Variants in CSMD1 observed in about 807,000 individuals in gnomAD.
CSMD1 encodes the protein CUB and sushi domain-containing protein 1.
Under a neutral mutation model 417.5 loss-of-function variants are expected in CSMD1, and 213 were observed. The ratio of observed to expected loss-of-function variants is 0.51; its 90% CI spans 0.46 to 0.57. The LOEUF (loss-of-function observed/expected upper bound fraction) is 0.57, where lower values mean the gene tolerates loss of function less well. CSMD1 is among the 20% of genes least tolerant of loss of function. CSMD1 has a pLI of 0.00. For synonymous variants in CSMD1, 2,862 were observed against 1,736.8 expected, an observed-to-expected ratio of 1.65 and a Z score of -16.11; for missense variants, 6,923 against 4,529.7, an observed-to-expected ratio of 1.53 and a Z score of -15.17.
chr8:3,502,415 T>A (rs1487966017), intron 10 of CSMD1, among the ~76,000 whole-genome samples: 1 of 149,574 alleles, frequency 6.7e-6, no homozygotes, highest in African/African-American at 2.5e-5. Flanking sequence ...ACTGCACATG[T>A]ACGTTTATAG....
intron 3 of CSMD1, among the ~76,000 whole-genome samples, chr8:4,190,071 A>C (rs1295975852): frequency 1.3e-5 from 2 of 151,904 alleles, no homozygotes; most frequent in Non-Finnish European, 2.9e-5. Context: ...ATCCTGGCTA[A>C]CATGGTGAAA....
chr8:4,662,317 T>C (rs1192871975), intron 1 of CSMD1, among the ~76,000 whole-genome samples: 1 of 152,198 alleles, frequency 6.6e-6, no homozygotes, highest in Non-Finnish European at 1.5e-5. Context: ...AATGAATTAC[T>C]CAGAGGAAAT....
At chr8:3,461,106 C>T (rs550819866) in intron 12 of CSMD1, among the ~76,000 whole-genome samples, 1 of 152,332 alleles carries the variant, frequency 6.6e-6, no homozygotes, top group South Asian at 2.1e-4. Context: ...ACTCAGGTCC[C>T]ACCATCAGAT....
intron 25 of CSMD1, among the ~76,000 whole-genome samples, chr8:3,301,384 C>G (rs1428001858): frequency 1.3e-5 from 2 of 151,926 alleles, no homozygotes; most frequent in Non-Finnish European, 2.9e-5. Context: ...AGTGTGGGAG[C>G]TAGTGAAACT....
intron 5 of CSMD1, among the ~76,000 whole-genome samples, chr8:3,909,005 T>C (rs1225064171): frequency 6.6e-6 from 1 of 152,218 alleles, no homozygotes; most frequent in African/African-American, 2.4e-5. Context: ...CCTTCACTAC[T>C]GTAGGAGGCT....
chr8:3,241,926 C>A (rs62504975), intron 26 of CSMD1, among the ~76,000 whole-genome samples: 1 of 147,480 alleles, frequency 6.8e-6, no homozygotes, highest in Non-Finnish European at 1.5e-5. Flanking sequence ...TTATTTAATG[C>A]CGGGAGCAGA....
At chr8:4,138,375 C>T (rs1391486898) in intron 3 of CSMD1, among the ~76,000 whole-genome samples, 2 of 152,130 alleles carry the variant, frequency 1.3e-5, no homozygotes, top group Middle Eastern at 6.8e-3. Context: ...GTTCTGATAC[C>T]TGCTCTGGCA....
At chr8:4,717,575 C>CATCCATCT (rs1808762082) in intron 1 of CSMD1, among the ~76,000 whole-genome samples, 1 of 149,786 alleles carries the variant, frequency 6.7e-6, no homozygotes, top group African/African-American at 2.5e-5. Context: ...TCCATCCATC[C>CATCCATCT]ATCCATCCAT....
chr8:4,067,675 T>G (rs760237241), intron 3 of CSMD1, among the ~76,000 whole-genome samples: 5 of 152,192 alleles, frequency 3.3e-5, no homozygotes, highest in Admixed American at 6.5e-5. Context: ...TCTCACCACC[T>G]AACTTGTCCT....
At chr8:4,138,970 A>G (rs1803607904) in intron 3 of CSMD1, among the ~76,000 whole-genome samples, 1 of 152,186 alleles carries the variant, frequency 6.6e-6, no homozygotes, top group African/African-American at 2.4e-5. Context: ...CTCGCCATGC[A>G]TCTTTCCTGA....
intron 10 of CSMD1, among the ~76,000 whole-genome samples, chr8:3,556,516 G>GCACACACA (rs71708244): frequency 1.5e-4 from 20 of 137,726 alleles, no homozygotes; most frequent in Admixed American, 1.0e-3. Flanking sequence ...TTTTTCACAC[G>GCACACACA]CACACACACA....
chr8:3,909,427 A>C (rs1433549918), intron 5 of CSMD1, among the ~76,000 whole-genome samples: 2 of 152,140 alleles, frequency 1.3e-5, no homozygotes, highest in Non-Finnish European at 1.5e-5. Context: ...CGAGGGCAGG[A>C]TACGCAGAAA....
At chr8:3,860,379 A>C (rs1162106238) in intron 5 of CSMD1, among the ~76,000 whole-genome samples, 1 of 152,158 alleles carries the variant, frequency 6.6e-6, no homozygotes, top group African/African-American at 2.4e-5. Context: ...ATGATATATT[A>C]AAAAAATCAT....
chr8:4,710,781 G>A (rs549683383), intron 1 of CSMD1, among the ~76,000 whole-genome samples: 2 of 151,838 alleles, frequency 1.3e-5, no homozygotes, highest in Admixed American at 6.5e-5. Context: ...GGAGGTGGAG[G>A]ATGACATGAG....
chr8:3,998,258 T>C (rs1292542853), intron 4 of CSMD1, 148 bp from the exon 5 acceptor site: 2 of 649,896 alleles, frequency 3.1e-6, no homozygotes, highest in Non-Finnish European at 5.3e-6. Flanking sequence ...TCTTTTGGTA[T>C]GTTAATGAGT....
At chr8:3,760,012 C>T (rs546491189) in intron 5 of CSMD1, among the ~76,000 whole-genome samples, 2 of 152,058 alleles carry the variant, frequency 1.3e-5, no homozygotes, top group East Asian at 3.9e-4. Context: ...CTCCTGATGT[C>T]CAGAAACACA....
At chr8:3,892,993 C>T (rs528566500) in intron 5 of CSMD1, among the ~76,000 whole-genome samples, 1 of 151,816 alleles carries the variant, frequency 6.6e-6, no homozygotes, top group South Asian at 2.1e-4. Flanking sequence ...ACATAACAAT[C>T]ATGGTTCAGT....
rs80278649 is a variant in CSMD1 at position 3,816,177 on chromosome 8, G to A, written c.819-62135C>T. On this transcript the variant is annotated intron_variant, in intron 5 of 69. Transcript: ENST00000635120. ...AAGATTGGATAAAAACCTTCCCTCTGTGCTCTCTGCATCTGGGAGAATCAC... is the reference window on the plus strand; with the variant it reads ...AAGATTGGATAAAAACCTTCCCTCTATGCTCTCTGCATCTGGGAGAATCAC... Among the ~76,000 whole-genome samples the A allele has an allele frequency of 3.2e-4, 48 of 152,218 alleles. No homozygotes were observed. The East Asian group carries it at 8.5e-3, about 27-fold the overall frequency.
intron 30 of CSMD1, among the ~76,000 whole-genome samples, chr8:3,209,962 A>C (rs1797508497): frequency 6.6e-6 from 1 of 152,206 alleles, no homozygotes; most frequent in Admixed American, 6.5e-5. Flanking sequence ...ACTTTGCTTC[A>C]ATTTCAGTTA....
Sources: gnomAD v4.1 joint callset for allele counts (sites outside exome capture counted in the v4.1 genomes callset) on GRCh38, gnomAD v4.1.1 for gene constraint, MANE v1.5 for transcripts, NCBI Gene and HGNC (gene_info 2026-07-23, HGNC 2026-07-21) for gene names.